The following TENM1 variants were observed in gnomAD, a reference collection of about 807,000 sequenced individuals.
TENM1 encodes teneurin transmembrane protein 1.
Under a neutral mutation model 174.8 loss-of-function variants are expected in TENM1, and 35 were observed. The ratio of observed to expected loss-of-function variants is 0.20; its 90% CI spans 0.15 to 0.27. TENM1 has a LOEUF of 0.27. Among genes scored for constraint, TENM1 ranks in the 10% least tolerant of loss-of-function variants. The pLI is 1.00. For synonymous variants in TENM1, 781 were observed against 798.7 expected (o/e 0.98, Z 0.37); for missense variants, 1,633 against 2,130.1 (o/e 0.77, Z 4.59).
chrX:124,914,574 C>T (rs1000424500), intron 1 of TENM1, among the ~76,000 whole-genome samples: 2 of 112,146 alleles, frequency 1.8e-5, no homozygotes, highest in African/African-American at 6.5e-5. Context: ...TTATCACTGC[C>T]TTCAAATTGA....
chrX:124,692,417 T>A (rs1039148977), intron 5 of TENM1, among the ~76,000 whole-genome samples: 4 of 110,954 alleles, frequency 3.6e-5, no homozygotes, highest in Admixed American at 9.6e-5. Context: ...AACCTGCACA[T>A]GTACCCCTGA....
the TENM1 span, among the ~76,000 whole-genome samples, chrX:125,185,448 A>G: frequency 8.9e-6 from 1 of 112,329 alleles, no homozygotes; most frequent in African/African-American, 3.2e-5. Flanking sequence ...TGCAAAGACT[A>G]AAAATTATGA....
intron 3 of TENM1, among the ~76,000 whole-genome samples, chrX:124,890,758 G>A (rs1044294104): frequency 3.6e-5 from 4 of 110,272 alleles, no homozygotes; most frequent in Non-Finnish European, 7.6e-5. Context: ...TCACCATGAA[G>A]AGCAGTATGG....
At chrX:124,601,747 G>A (rs993798503) in intron 11 of TENM1, among the ~76,000 whole-genome samples, 1 of 110,069 alleles carries the variant, frequency 9.1e-6, no homozygotes, top group African/African-American at 3.3e-5. Context: ...GTATAGGTAG[G>A]GGCAAGGCTG....
chrX:124,948,062 T>G (rs1045912472), intron 1 of TENM1, among the ~76,000 whole-genome samples: 1 of 112,503 alleles, frequency 8.9e-6, no homozygotes, highest in African/African-American at 3.2e-5. Flanking sequence ...CTGTTTGGAC[T>G]AATTTGTTCA....
At chrX:124,404,719 C>A (rs2060442681) in intron 27 of TENM1, among the ~76,000 whole-genome samples, 1 of 110,861 alleles carries the variant, frequency 9.0e-6, no homozygotes. Context: ...TGCTGGAGGG[C>A]CTCCTTTGAC....
chrX:124,859,034 C>T (rs961989324), intron 3 of TENM1, among the ~76,000 whole-genome samples: 2 of 110,968 alleles, frequency 1.8e-5, no homozygotes, highest in Non-Finnish European at 3.8e-5. Context: ...TAAGTTTAAC[C>T]GAATTTCTTA....
At chrX:124,931,871 GCA>G (rs34069865) in intron 1 of TENM1, among the ~76,000 whole-genome samples, 1,323 of 101,566 alleles carry the variant, frequency 0.013, 17 homozygotes, top group African/African-American at 0.039. Context: ...CCAAGCGCAC[GCA>G]CACACACACA....
At position 124,640,961 on chromosome X, in the gene TENM1, C is replaced by CA. The variant is rs59598996; in HGVS notation, c.2077+829dup. Among the ~76,000 whole-genome samples the CA allele has an allele frequency of 2.5e-3, 144 of 57,717 alleles. 1 individual carries two copies. The highest frequency in any genetic ancestry group is 0.013 in the Middle Eastern group (1 of 79). The allele number at this position is 57,717 out of a possible 115,157, so 50.1% of individuals were successfully genotyped here. On this transcript the variant is annotated intron_variant, in intron 11 of 31. Transcript: ENST00000422452. ...GGGCGACAGAGCGAGAATCCATCTC[C>CA]AAAAAAAAAAAAAAAAAATCAGGGG...
intron 3 of TENM1, among the ~76,000 whole-genome samples, chrX:124,792,736 T>A (rs2055207372): frequency 8.9e-6 from 1 of 112,435 alleles, no homozygotes; most frequent in Admixed American, 9.4e-5. Context: ...TTCAAATTAG[T>A]AAATTAAAAA....
the TENM1 span, among the ~76,000 whole-genome samples, chrX:125,024,811 A>T: frequency 8.9e-6 from 1 of 112,091 alleles, no homozygotes; most frequent in Non-Finnish European, 1.9e-5. Context: ...TATTATTCTC[A>T]TCTAATTACT....
chrX:124,590,732 C>T (rs753975601), intron 11 of TENM1, among the ~76,000 whole-genome samples: 258 of 112,034 alleles, frequency 2.3e-3, no homozygotes, highest in African/African-American at 7.8e-3. Context: ...GTAGAGTATT[C>T]TGTAGATGTC....
intron 1 of TENM1, among the ~76,000 whole-genome samples, chrX:124,925,470 T>C (rs1395673690): frequency 8.9e-6 from 1 of 112,363 alleles, no homozygotes; most frequent in Admixed American, 9.5e-5. Context: ...TTGAGAATTT[T>C]AACATGTTTA....
chrX:124,426,880 T>A (rs1425340087), intron 23 of TENM1, among the ~76,000 whole-genome samples: 1 of 112,018 alleles, frequency 8.9e-6, no homozygotes, highest in East Asian at 2.8e-4. Flanking sequence ...CACGTCTGTC[T>A]GAGGCCTTTG....
chrX:124,541,310 G>A (rs1303131497), intron 15 of TENM1, among the ~76,000 whole-genome samples: 2 of 112,280 alleles, frequency 1.8e-5, no homozygotes, highest in East Asian at 5.6e-4. Flanking sequence ...CCTGGTTAGA[G>A]GTGACTGGAT....
intron 15 of TENM1, among the ~76,000 whole-genome samples, chrX:124,531,124 AC>A (rs2048096927): frequency 1.6e-5 from 1 of 63,304 alleles, no homozygotes; most frequent in Admixed American, 1.8e-4. Context: ...CATCAATACC[AC>A]CTTTTTTTTT....
intron 11 of TENM1, among the ~76,000 whole-genome samples, chrX:124,609,939 C>CA (rs1189676211): frequency 1.8e-5 from 2 of 111,769 alleles, no homozygotes; most frequent in Non-Finnish European, 3.8e-5. Flanking sequence ...CAGCCAAGGG[C>CA]AGTCTGGGCA....
chrX:125,044,961 C>G, the TENM1 span, among the ~76,000 whole-genome samples: 1 of 111,672 alleles, frequency 9.0e-6, no homozygotes, highest in Non-Finnish European at 1.9e-5. Flanking sequence ...CATTCTCATA[C>G]TGCTATGAAG....
At chrX:124,531,600 T>C (rs2148074688) in intron 15 of TENM1, among the ~76,000 whole-genome samples, 1 of 112,592 alleles carries the variant, frequency 8.9e-6, no homozygotes, top group South Asian at 3.7e-4. Context: ...CAGACCAACA[T>C]TCATAGCTCT....
Sources: gnomAD v4.1 joint callset for allele counts (sites outside exome capture counted in the v4.1 genomes callset) on GRCh38, gnomAD v4.1.1 for gene constraint, MANE v1.5 for transcripts, NCBI Gene and HGNC (gene_info 2026-07-23, HGNC 2026-07-21) for gene names.